MARCHF2: variants seen among roughly 807,000 people sequenced by gnomAD.
MARCHF2 encodes membrane associated ring-CH-type finger 2.
Under a neutral mutation model 24.0 loss-of-function variants are expected in MARCHF2, and 22 were observed. The ratio of observed to expected loss-of-function variants is 0.92; its 90% confidence interval spans 0.66 to 1.31. The LOEUF (loss-of-function observed/expected upper bound fraction) is 1.31. MARCHF2 is among the 50% of genes most tolerant of loss of function. MARCHF2 has a pLI of 0.00. For missense variants in MARCHF2, 301 were observed against 335.3 expected, an observed-to-expected ratio of 0.90 and a Z score of 0.80; for synonymous variants, 154 against 153.0, an observed-to-expected ratio of 1.01 and a Z score of -0.05.
At chr19:8,420,386 A>G (rs1316345199) in intron 1 of MARCHF2, among the ~76,000 whole-genome samples, 1 of 149,002 alleles carries the variant, frequency 6.7e-6, no homozygotes, top group South Asian at 2.1e-4. Flanking sequence ...AAATACAAAA[A>G]CTAGCCAGGC....
At chr19:8,414,253 T>C (rs1346043102) in intron 1 of MARCHF2, among the ~76,000 whole-genome samples, 1 of 152,064 alleles carries the variant, frequency 6.6e-6, no homozygotes, top group East Asian at 1.9e-4. Context: ...ATTTATGAAC[T>C]ACATATCATT....
At chr19:8,416,012 C>T (rs1280083739) in intron 1 of MARCHF2, among the ~76,000 whole-genome samples, 1 of 152,006 alleles carries the variant, frequency 6.6e-6, no homozygotes, top group Non-Finnish European at 1.5e-5. Flanking sequence ...AGATGTGGCT[C>T]TCTCACGCTG....
chr19:8,434,905 C>T (rs1967672978), intron 4 of MARCHF2, among the ~76,000 whole-genome samples: 1 of 151,938 alleles, frequency 6.6e-6, no homozygotes, highest in Non-Finnish European at 1.5e-5. Flanking sequence ...GAGTTTTCAC[C>T]ATGTTGGCCA....
intron 4 of MARCHF2, among the ~76,000 whole-genome samples, chr19:8,432,431 A>G (rs745995829): frequency 6.6e-6 from 1 of 152,116 alleles, no homozygotes; most frequent in Admixed American, 6.6e-5. Flanking sequence ...CAAGGTGGGA[A>G]GATCTCTTGA....
chr19:8,429,609 A>G (rs1464884556), intron 3 of MARCHF2, among the ~76,000 whole-genome samples: 1 of 151,312 alleles, frequency 6.6e-6, no homozygotes, highest in Non-Finnish European at 1.5e-5. Context: ...GGTTCAAGCA[A>G]TTCTCCTGCC....
intron 1 of MARCHF2, among the ~76,000 whole-genome samples, chr19:8,417,180 A>G (rs1967106135): frequency 6.6e-6 from 1 of 152,034 alleles, no homozygotes; most frequent in African/African-American, 2.4e-5. Flanking sequence ...GTGGTGGCTC[A>G]AGCCTGTAAT....
chr19:8,431,101 G>T (rs1391299188), intron 4 of MARCHF2, among the ~76,000 whole-genome samples: 1 of 152,152 alleles, frequency 6.6e-6, no homozygotes, highest in South Asian at 2.1e-4. Flanking sequence ...CTGAGTGCAG[G>T]AACCCCCATC....
chr19:8,431,275 G>A (rs557176392), intron 4 of MARCHF2, among the ~76,000 whole-genome samples: 3 of 152,046 alleles, frequency 2.0e-5, no homozygotes, highest in South Asian at 2.1e-4. Flanking sequence ...AAGGTGGGTG[G>A]ATCACCTGAG....
At chr19:8,415,258 TGTG>T (rs1053964411) in intron 1 of MARCHF2, among the ~76,000 whole-genome samples, 5 of 151,292 alleles carry the variant, frequency 3.3e-5, no homozygotes, top group African/African-American at 1.2e-4. Flanking sequence ...ATTAGCTGGA[TGTG>T]GTGGTGTGCA....
chr19:8,431,677 A>G (rs1017998741), intron 4 of MARCHF2, among the ~76,000 whole-genome samples: 2 of 149,248 alleles, frequency 1.3e-5, no homozygotes, highest in Admixed American at 6.7e-5. Context: ...TCTCTACTAA[A>G]AATACAAAAA....
intron 1 of MARCHF2, 52 bp from the exon 2 acceptor site, chr19:8,421,737 T>A: frequency 9.7e-7 from 1 of 1,031,712 alleles, no homozygotes; most frequent in Admixed American, 2.7e-5. Flanking sequence ...CAAACCTTAG[T>A]CCGTCAGGCT....
At chr19:8,435,135 C>T (rs965960803) in intron 4 of MARCHF2, among the ~76,000 whole-genome samples, 20 of 150,976 alleles carry the variant, frequency 1.3e-4, no homozygotes, top group Non-Finnish European at 2.8e-4. Context: ...TATCCTGCCT[C>T]AGCCTCCCGA....
At chr19:8,415,007 A>G (rs539166001) in intron 1 of MARCHF2, among the ~76,000 whole-genome samples, 1 of 152,268 alleles carries the variant, frequency 6.6e-6, no homozygotes, top group East Asian at 1.9e-4. Context: ...ACCCCTTCCT[A>G]GCTATATGAC....
rs927308317 is a variant in MARCHF2 at position 8,430,034 on chromosome 19, C to A, written c.373-624C>A. 6.6e-6 allele frequency among the ~76,000 whole-genome samples: 1 copy of A among 152,034 alleles called. No homozygotes were observed. The highest frequency in any genetic ancestry group is 6.6e-5 in the Admixed American group (1 of 15,214). On this transcript the variant is annotated intron_variant, in intron 3 of 4. Transcript: ENST00000215555. This position sits in a 1 kb window ranked among gnomAD's most constrained non-coding sequence, Gnocchi z 4.4. Reference sequence around the variant, plus strand: ...GGGGGTAAATGTGCCCAGCACCTGGCAGGGCCTGGCTCCTCATGGGCTCAA... The same window carrying A: ...GGGGGTAAATGTGCCCAGCACCTGGAAGGGCCTGGCTCCTCATGGGCTCAA...
intron 3 of MARCHF2, among the ~76,000 whole-genome samples, chr19:8,428,832 C>T (rs186627651): frequency 2.0e-5 from 3 of 149,058 alleles, no homozygotes; most frequent in Non-Finnish European, 3.0e-5. Context: ...GGCATGGTGG[C>T]GGGGGCCTGT....
At chr19:8,415,728 A>AAAC (rs1568233600) in intron 1 of MARCHF2, among the ~76,000 whole-genome samples, 2,663 of 95,560 alleles carry the variant, frequency 0.028, 340 homozygotes, top group Non-Finnish European at 0.036. Flanking sequence ...TCTCAAAAAA[A>AAAC]AAAAAACAAA....
At chr19:8,423,985 C>CA (rs142383974) in intron 2 of MARCHF2, among the ~76,000 whole-genome samples, 32,880 of 104,564 alleles carry the variant, frequency 0.31, 4,520 homozygotes, top group Admixed American at 0.36. Flanking sequence ...CTGGGTGACT[C>CA]AAAAAAAAAA....
chr19:8,425,099 G>T (rs1204555412), intron 2 of MARCHF2, among the ~76,000 whole-genome samples: 1 of 152,000 alleles, frequency 6.6e-6, no homozygotes, highest in Non-Finnish European at 1.5e-5. Context: ...TTTGGGACCG[G>T]GCGTGGTGGC....
rs34344658 is a variant in MARCHF2, at chr19:8,430,227, G to C, written c.373-431G>C. Among the ~76,000 whole-genome samples the C allele has an allele frequency of 0.077, 11,677 of 152,112 alleles. 811 individuals are homozygous for C. The highest frequency in any genetic ancestry group is 0.18 in the African/African-American group (7,535 of 41,452). On this transcript the variant is annotated intron_variant, in intron 3 of 4. Transcript: ENST00000215555. The surrounding 1 kb of genome is among the most constrained non-coding windows in gnomAD (Gnocchi z 4.4). ...AAAAATACAAAATTAGCAGGGCATGGTGGCGCTTGCCTATAATCCCAGCTA... is the reference window on the plus strand; with the variant it reads ...AAAAATACAAAATTAGCAGGGCATGCTGGCGCTTGCCTATAATCCCAGCTA...
Sources: allele counts gnomAD v4.1 joint callset (sites outside exome capture counted in the v4.1 genomes callset), GRCh38; gene constraint gnomAD v4.1.1; non-coding constraint Gnocchi (gnomAD v3.1); transcripts MANE v1.5; gene names NCBI Gene and HGNC (gene_info 2026-07-23, HGNC 2026-07-21).